CPNE4: variants seen among roughly 807,000 people sequenced by gnomAD.
CPNE4 encodes copine 4, also known as copine-4.
A neutral mutation model predicts 67.9 loss-of-function variants in CPNE4; 25 were observed. That is an observed-to-expected ratio of 0.37 (90% CI 0.27 to 0.51). The LOEUF (loss-of-function observed/expected upper bound fraction) is 0.51. Ranked by LOEUF, CPNE4 falls within the 20% of genes least tolerant of loss-of-function variation. The pLI, the probability that CPNE4 is intolerant of heterozygous loss-of-function variation, is 0.93. For synonymous variants in CPNE4, 242 were observed against 244.9 expected, an observed-to-expected ratio of 0.99 and a Z score of 0.11; for missense variants, 464 against 690.8, an observed-to-expected ratio of 0.67 and a Z score of 3.68.
intron 1 of CPNE4, among the ~76,000 whole-genome samples, chr3:131,961,435 G>A (rs1387190246): frequency 6.6e-6 from 1 of 152,102 alleles, no homozygotes; most frequent in Non-Finnish European, 1.5e-5. Flanking sequence ...CTCATCAAAA[G>A]CAATGTTCAA....
intron 7 of CPNE4, among the ~76,000 whole-genome samples, chr3:131,662,532 TAG>T (rs1217236089): frequency 6.6e-6 from 1 of 152,028 alleles, no homozygotes; most frequent in Non-Finnish European, 1.5e-5. Flanking sequence ...GGAGAATCAG[TAG>T]AAAGACAGTA....
intron 2 of CPNE4, among the ~76,000 whole-genome samples, chr3:131,758,678 G>T (rs772499422): frequency 3.9e-5 from 6 of 152,046 alleles, no homozygotes; most frequent in Non-Finnish European, 8.8e-5. Flanking sequence ...ATGTGGTTTG[G>T]CTATGTCCTC....
At chr3:131,749,530 A>G (rs999551857) in intron 2 of CPNE4, among the ~76,000 whole-genome samples, 17 of 152,084 alleles carry the variant, frequency 1.1e-4, no homozygotes, top group South Asian at 2.1e-4. Context: ...TGTTTTATCA[A>G]TTGCTGAGAG....
intron 1 of CPNE4, chr3:131,925,711 C>T (rs990602035): frequency 6.6e-6 from 1 of 152,132 alleles, no homozygotes; most frequent in Non-Finnish European, 1.5e-5. Context: ...GTAAATGCCT[C>T]GAATTCTTGC....
At chr3:131,911,708 G>A (rs1470675658) in intron 1 of CPNE4, among the ~76,000 whole-genome samples, 1 of 151,942 alleles carries the variant, frequency 6.6e-6, no homozygotes, top group Non-Finnish European at 1.5e-5. Context: ...GAGGGATAGG[G>A]TACAGGAAAG....
At chr3:131,787,807 G>T (rs187769624) in intron 2 of CPNE4, among the ~76,000 whole-genome samples, 123 of 152,206 alleles carry the variant, frequency 8.1e-4, no homozygotes, top group African/African-American at 2.8e-3. Flanking sequence ...GCAGAATCTG[G>T]AAACTATGAA....
intron 7 of CPNE4, among the ~76,000 whole-genome samples, chr3:131,628,526 C>T (rs1582918370): frequency 6.6e-6 from 1 of 152,386 alleles, no homozygotes; most frequent in East Asian, 1.9e-4. Context: ...CTGTCTGGTC[C>T]TGGACTTTTT....
chr3:131,727,512 G>C (rs1198322290), intron 2 of CPNE4, among the ~76,000 whole-genome samples: 1 of 151,802 alleles, frequency 6.6e-6, no homozygotes, highest in Non-Finnish European at 1.5e-5. Context: ...TAATAATAAA[G>C]TCAATAACAA....
chr3:131,976,915 C>A (rs1389091597), intron 1 of CPNE4, among the ~76,000 whole-genome samples: 1 of 151,988 alleles, frequency 6.6e-6, no homozygotes, highest in Admixed American at 6.6e-5. Context: ...GATTCTCCTG[C>A]CTCAGCCTCC....
intron 1 of CPNE4, among the ~76,000 whole-genome samples, chr3:131,917,350 G>A (rs563466974): frequency 2.5e-4 from 38 of 152,306 alleles, no homozygotes; most frequent in African/African-American, 8.7e-4. Context: ...CATGTGAGCC[G>A]AGTGTTTTTG....
intron 15 of CPNE4, chr3:131,537,670 A>G (rs967246771): frequency 3.9e-6 from 1 of 258,388 alleles, no homozygotes; most frequent in Non-Finnish European, 7.6e-6. Flanking sequence ...ACTTCAGCCA[A>G]CATGCTCTGG....
chr3:131,751,817 A>G (rs1239874389), intron 2 of CPNE4, among the ~76,000 whole-genome samples: 1 of 149,860 alleles, frequency 6.7e-6, no homozygotes, highest in African/African-American at 2.5e-5. Context: ...CTGCTTTTGT[A>G]GGGAAAGCAG....
At chr3:131,877,408 G>A (rs1415682989) in intron 2 of CPNE4, among the ~76,000 whole-genome samples, 1 of 152,040 alleles carries the variant, frequency 6.6e-6, no homozygotes, top group East Asian at 1.9e-4. Context: ...AGCAGCTGAC[G>A]CAAACCAGAA....
At chr3:132,020,346 C>T (rs1313693737) in intron 1 of CPNE4, among the ~76,000 whole-genome samples, 2 of 152,340 alleles carry the variant, frequency 1.3e-5, no homozygotes, top group East Asian at 1.9e-4. Context: ...GATGTGGAGG[C>T]TGAGGCTGGG....
chr3:132,002,433 C>T (rs2073479441), intron 1 of CPNE4, among the ~76,000 whole-genome samples: 1 of 152,094 alleles, frequency 6.6e-6, no homozygotes, highest in Admixed American at 6.6e-5. Context: ...AGAGGATTTT[C>T]TCTAATTTTT....
intron 1 of CPNE4, among the ~76,000 whole-genome samples, chr3:131,958,584 C>G (rs1217422434): frequency 6.9e-6 from 1 of 145,810 alleles, no homozygotes; most frequent in African/African-American, 2.6e-5. Flanking sequence ...TGACCTTTGG[C>G]AATTGATACA....
intron 1 of CPNE4, among the ~76,000 whole-genome samples, chr3:131,984,754 C>T (rs1480584536): frequency 6.6e-6 from 1 of 152,182 alleles, no homozygotes; most frequent in Non-Finnish European, 1.5e-5. Flanking sequence ...GAATTGATGA[C>T]TGATAGGAGT....
At chr3:131,880,522 T>C (rs891836591) in intron 2 of CPNE4, among the ~76,000 whole-genome samples, 22 of 152,296 alleles carry the variant, frequency 1.4e-4, no homozygotes, top group Non-Finnish European at 1.9e-4. Flanking sequence ...AAGTGGGAGC[T>C]GAAGTGAAGC....
At chr3:131,602,160 G>A (rs992733891) in intron 7 of CPNE4, among the ~76,000 whole-genome samples, 1 of 152,132 alleles carries the variant, frequency 6.6e-6, no homozygotes, top group East Asian at 1.9e-4. Context: ...GGATGCATGT[G>A]GTCTCTGGAC....
Sources: gnomAD v4.1 joint callset for allele counts (sites outside exome capture counted in the v4.1 genomes callset) on GRCh38, gnomAD v4.1.1 for gene constraint, MANE v1.5 for transcripts, NCBI Gene and HGNC (gene_info 2026-07-23, HGNC 2026-07-21) for gene names.